CDC73: variants seen among roughly 807,000 people sequenced by gnomAD.
The protein encoded by CDC73 is parafibromin.
CDC73 carries 21 observed loss-of-function variants against 83.7 expected under a neutral mutation model. The ratio of observed to expected loss-of-function variants is 0.25; its 90% CI spans 0.18 to 0.36. The LOEUF is 0.36. Ranked by LOEUF, CDC73 falls within the 10% of genes least tolerant of loss-of-function variation. The probability of loss-of-function intolerance (pLI) is 1.00; values close to 1 mark genes in which losing one functional copy is unlikely to be tolerated. For synonymous variants in CDC73, 224 were observed against 212.9 expected (o/e 1.05, Z -0.45); for missense variants, 342 against 653.3 (o/e 0.52, Z 5.19).
At chr1:193,222,753 A>G (rs1677494061) in intron 13 of CDC73, among the ~76,000 whole-genome samples, 1 of 127,042 alleles carries the variant, frequency 7.9e-6, no homozygotes, top group Non-Finnish European at 1.7e-5. Flanking sequence ...TCCATGAAAT[A>G]AGCTTTTTTT....
chr1:193,126,423 G>C (rs977226563), intron 2 of CDC73, among the ~76,000 whole-genome samples: 1 of 152,096 alleles, frequency 6.6e-6, no homozygotes, highest in African/African-American at 2.4e-5. Flanking sequence ...TTCATCTGTA[G>C]GGAAGTATCA....
chr1:193,136,576 G>A (rs755165710), intron 5 of CDC73: 1 of 214,358 alleles, frequency 4.7e-6, no homozygotes, highest in Admixed American at 4.4e-5. Context: ...TCATCTATGA[G>A]CGAATAGGCT....
At chr1:193,214,112 A>G (rs901356928) in intron 13 of CDC73, among the ~76,000 whole-genome samples, 2 of 151,988 alleles carry the variant, frequency 1.3e-5, no homozygotes, top group Non-Finnish European at 2.9e-5. Context: ...TCCTTTCCCT[A>G]TGTAGTTGGT....
Position 193,251,958 on chromosome 1 carries a change from C to T in CDC73, c.*1246C>T, listed in dbSNP as rs2102075767. 4.3e-6 allele frequency: 1 copy of T among 231,084 alleles called. No homozygotes were observed. Among genetic ancestry groups the T allele is most frequent in the Non-Finnish European group, 8.6e-6 (1 of 116,840 alleles). 14.3% of individuals were successfully genotyped at this position (231,084 alleles called of 1,614,324 possible). A position where few individuals can be genotyped will look rare whatever the true frequency, so the allele number is the denominator to read the frequency against. ...TCATTTTTTTCTCTGTTTTTATTCC[C>T]AGCAATTTTCTCCTAGGTTAACATA... On this transcript the variant is annotated 3_prime_UTR_variant, in exon 17 of 17. Transcript: ENST00000367435.
At chr1:193,136,286 G>A (rs1675799079) in intron 5 of CDC73, among the ~76,000 whole-genome samples, 1 of 152,134 alleles carries the variant, frequency 6.6e-6, no homozygotes, top group South Asian at 2.1e-4. Flanking sequence ...TTGGGATGTA[G>A]TTTGCCTACC....
At chr1:193,192,164 C>CAA (rs1483219883) in intron 10 of CDC73, among the ~76,000 whole-genome samples, 3 of 151,810 alleles carry the variant, frequency 2.0e-5, no homozygotes, top group Non-Finnish European at 4.4e-5. Context: ...TGTTGGGAGC[C>CAA]AAGCATGGTA....
chr1:193,241,788 G>A (rs538877072), intron 15 of CDC73, among the ~76,000 whole-genome samples: 1 of 152,340 alleles, frequency 6.6e-6, no homozygotes, highest in East Asian at 1.9e-4. Context: ...GGCACTGCTA[G>A]GGCGGCAGAA....
At chr1:193,236,417 A>G in intron 15 of CDC73, 61 bp downstream of exon 15, 1 of 1,048,534 alleles carries the variant, frequency 9.5e-7, no homozygotes, top group African/African-American at 1.6e-5. Context: ...TATTTAAGAG[A>G]AACAGTCATA....
Position 193,136,495 on chromosome 1 carries a change from G to T in CDC73, c.423+906G>T, listed in dbSNP as rs368871277. On this transcript the variant is annotated intron_variant, in intron 5 of 16. Transcript: ENST00000367435. ...AAGTACTTTATATGTATTAACTCAT[G>T]TAATCGTATTTGCTCATAGATGATA... 1.3e-3 allele frequency: 365 copies of T among 288,282 alleles called. 1 individual carries two copies. The highest frequency in any genetic ancestry group is 1.9e-3 in the Non-Finnish European group (229 of 122,470). The allele number at this position is 288,282 out of a possible 1,614,324, so 17.9% of individuals were successfully genotyped here.
At chr1:193,210,395 A>G (rs1478579794) in intron 11 of CDC73, among the ~76,000 whole-genome samples, 2 of 152,166 alleles carry the variant, frequency 1.3e-5, no homozygotes, top group African/African-American at 4.8e-5. Context: ...AAGTCTCCTA[A>G]ATTTTTCTTT....
rs1210668199 is a variant in CDC73 at position 193,181,003 on chromosome 1, C to T, written c.973-22792C>T. The T allele has an allele frequency of 3.7e-6, 6 of 1,613,480 alleles. No individual in the cohort carries two copies. The African/African-American group carries it at 8.0e-5, about 22-fold the overall frequency. ...AATACTTAAGCCCAACAAAAATATTCTTGTGATTTGAATACCAGGTGCTAG... is the reference window on the plus strand; with the variant it reads ...AATACTTAAGCCCAACAAAAATATTTTTGTGATTTGAATACCAGGTGCTAG... On this transcript the variant is annotated intron_variant, in intron 10 of 16. Transcript: ENST00000367435.
intron 10 of CDC73, among the ~76,000 whole-genome samples, chr1:193,190,252 G>C (rs1181635167): frequency 6.6e-6 from 1 of 152,160 alleles, no homozygotes; most frequent in Non-Finnish European, 1.5e-5. Flanking sequence ...TAGTTTTATT[G>C]AGATGACTAG....
At chr1:193,226,979 C>T (rs1032983720) in intron 13 of CDC73, among the ~76,000 whole-genome samples, 10 of 152,032 alleles carry the variant, frequency 6.6e-5, no homozygotes, top group African/African-American at 2.4e-4. Flanking sequence ...TTTAAATTAC[C>T]ATTTTAATCT....
intron 13 of CDC73, among the ~76,000 whole-genome samples, chr1:193,222,756 C>CT (rs59773568): frequency 0.61 from 71,520 of 117,088 alleles, 22,972 homozygotes; most frequent in South Asian, 0.74. Flanking sequence ...ATGAAATAAG[C>CT]TTTTTTTTTT....
intron 10 of CDC73, among the ~76,000 whole-genome samples, chr1:193,155,237 A>G (rs1425220174): frequency 6.6e-6 from 1 of 152,192 alleles, no homozygotes; most frequent in Non-Finnish European, 1.5e-5. Flanking sequence ...CCCCAGGGAG[A>G]GTGCTTTGAT....
intron 14 of CDC73, among the ~76,000 whole-genome samples, chr1:193,234,337 CATAA>C (rs1677721628): frequency 2.4e-5 from 1 of 40,934 alleles, no homozygotes; most frequent in Admixed American, 2.7e-4. Context: ...AAAACACACA[CATAA>C]ATATATATAT....
intron 8 of CDC73, among the ~76,000 whole-genome samples, chr1:193,149,169 A>C (rs1043218085): frequency 2.0e-5 from 3 of 152,220 alleles, no homozygotes; most frequent in Admixed American, 1.3e-4. Context: ...GAAAGATTAT[A>C]GTCCCTACTT....
intron 11 of CDC73, among the ~76,000 whole-genome samples, chr1:193,208,401 A>C (rs2103182067): frequency 6.6e-6 from 1 of 152,326 alleles, no homozygotes; most frequent in African/African-American, 2.4e-5. Flanking sequence ...GTGTCATAGC[A>C]TCTGAGTACA....
chr1:193,210,694 A>G (rs892757625), intron 11 of CDC73, among the ~76,000 whole-genome samples: 1 of 152,108 alleles, frequency 6.6e-6, no homozygotes, highest in Non-Finnish European at 1.5e-5. Flanking sequence ...TTCGAGATCA[A>G]CCCTGGGTGA....
Sources: gnomAD v4.1 joint callset for allele counts (sites outside exome capture counted in the v4.1 genomes callset) on GRCh38, gnomAD v4.1.1 for gene constraint, MANE v1.5 for transcripts, NCBI Gene and HGNC (gene_info 2026-07-23, HGNC 2026-07-21) for gene names.